TTC27: variants seen among roughly 807,000 people sequenced by gnomAD.
The protein encoded by TTC27 is tetratricopeptide repeat domain 27.
TTC27 carries 79 observed loss-of-function variants against 115.9 expected under a neutral mutation model. The ratio of observed to expected loss-of-function variants is 0.68; its 90% CI spans 0.57 to 0.82. The LOEUF (loss-of-function observed/expected upper bound fraction) is 0.82, where lower values mean the gene tolerates loss of function less well. TTC27 is among the 40% of genes least tolerant of loss of function. The probability of loss-of-function intolerance (pLI) is 0.00; values close to 1 mark genes in which losing one functional copy is unlikely to be tolerated. For synonymous variants in TTC27, 401 were observed against 356.0 expected (o/e 1.13, Z -1.42); for missense variants, 1,054 against 993.1 (o/e 1.06, Z -0.82).
rs192649588 is a variant in TTC27 at position 32,722,150 on chromosome 2, A to C, written c.1234-11678A>C. ...CAGTCATTACTACCTGGGAAACCTG[A>C]ACAACATTGAGATAATTACAGTGCC... On this transcript the variant is annotated intron_variant, in intron 10 of 19. Coordinates refer to ENST00000317907, the MANE Select transcript of TTC27 (RefSeq NM_017735.5). 2.2e-4 allele frequency among the ~76,000 whole-genome samples: 33 copies of C among 152,332 alleles called. No individual in the cohort carries two copies. The East Asian group carries it at 5.6e-3, about 26-fold the overall frequency.
intron 3 of TTC27, among the ~76,000 whole-genome samples, chr2:32,637,642 T>C (rs1334855263): frequency 6.6e-6 from 1 of 152,170 alleles, no homozygotes; most frequent in Non-Finnish European, 1.5e-5. Flanking sequence ...GGATTCTCTT[T>C]CTTAAAGACA....
intron 16 of TTC27, among the ~76,000 whole-genome samples, chr2:32,789,153 A>G (rs1670446341): frequency 6.6e-6 from 1 of 152,224 alleles, no homozygotes; most frequent in South Asian, 2.1e-4. Flanking sequence ...TGTTACTTGT[A>G]CATCATAGAG....
At chr2:32,777,120 A>G (rs546925854) in intron 13 of TTC27, among the ~76,000 whole-genome samples, 38 of 152,322 alleles carry the variant, frequency 2.5e-4, no homozygotes, top group African/African-American at 8.9e-4. Context: ...TCCTTTTTCT[A>G]AATTAATTTC....
intron 7 of TTC27, among the ~76,000 whole-genome samples, chr2:32,667,565 C>T (rs1022500233): frequency 6.6e-6 from 1 of 151,254 alleles, no homozygotes; most frequent in Non-Finnish European, 1.5e-5. Flanking sequence ...TACAGGCATG[C>T]ACCACCACGC....
chr2:32,672,442 G>A, intron 8 of TTC27, 58 bp downstream of exon 8: 2 of 1,288,152 alleles, frequency 1.6e-6, no homozygotes, highest in Non-Finnish European at 2.2e-6. Flanking sequence ...TCTCTTATGT[G>A]TGGAGAATCT....
At chr2:32,638,255 A>G (rs1304568053) in intron 3 of TTC27, among the ~76,000 whole-genome samples, 1 of 152,182 alleles carries the variant, frequency 6.6e-6, no homozygotes, top group African/African-American at 2.4e-5. Context: ...CAGAGATAAC[A>G]GTAGGCTTTG....
At position 32,723,701 on chromosome 2, in the gene TTC27, TCCCTC is replaced by T. The variant is rs1558310814; in HGVS notation, c.1234-10124_1234-10120del. Among the ~76,000 whole-genome samples the T allele has an allele frequency of 1.7e-4, 10 of 57,396 alleles. 2 individuals carry two copies. Among genetic ancestry groups the T allele is most frequent in the East Asian group, 1.6e-3 (4 of 2,522 alleles). The allele number at this position is 57,396 out of a possible 152,430, so 37.7% of individuals were successfully genotyped here. On this transcript the variant is annotated intron_variant, in intron 10 of 19. Coordinates refer to ENST00000317907, the MANE Select transcript of TTC27 (RefSeq NM_017735.5). ...TTGTTAGACTCAGCTCCTTCCTCCC[TCCCTC>T]CCTCCCTCCCTCCCTCCCTCCCTCC...
At chr2:32,778,139 ATAAGT>A (rs1173924260) in intron 14 of TTC27, among the ~76,000 whole-genome samples, 159 bp downstream of exon 14, 1 of 152,186 alleles carries the variant, frequency 6.6e-6, no homozygotes, top group Non-Finnish European at 1.5e-5. Context: ...AAATCTGGAA[ATAAGT>A]TAATATTTCA....
chr2:32,678,985 G>T lies in TTC27; in HGVS notation c.1119+63G>T. On this transcript the variant is annotated intron_variant, in intron 9 of 19. Transcript: ENST00000317907. ...CCTGGTAAATTACTTCCTCTGGTAT[G>T]GTCTTGCCTTGGATTGTTTATGTTG... The T allele has an allele frequency of 2.8e-6, 4 of 1,427,746 alleles. No homozygotes were observed. In the South Asian group the frequency reaches 4.7e-5, roughly 17 times the overall value. 88.4% of individuals were successfully genotyped at this position (1,427,746 alleles called of 1,614,324 possible). A position where few individuals can be genotyped will look rare whatever the true frequency, so the allele number is the denominator to read the frequency against.
chr2:32,643,123 C>G (rs551300182), intron 4 of TTC27, among the ~76,000 whole-genome samples: 2 of 152,212 alleles, frequency 1.3e-5, no homozygotes, highest in African/African-American at 4.8e-5. Flanking sequence ...GTGTGCACCA[C>G]CATGCCTGGC....
chr2:32,762,486 G>C (rs1356631599), intron 13 of TTC27, among the ~76,000 whole-genome samples: 3 of 152,146 alleles, frequency 2.0e-5, no homozygotes, highest in Non-Finnish European at 4.4e-5. Context: ...TTAAAGGGTT[G>C]ATTTCTTTGG....
At chr2:32,668,560 C>T (rs146981502) in intron 7 of TTC27, among the ~76,000 whole-genome samples, 8 of 15,964 alleles carry the variant, frequency 5.0e-4, no homozygotes, top group African/African-American at 6.9e-4. Flanking sequence ...CTCCCTCCCT[C>T]CCTTCCTTCC....
intron 10 of TTC27, among the ~76,000 whole-genome samples, chr2:32,731,279 G>C (rs1475088373): frequency 6.6e-6 from 1 of 151,954 alleles, no homozygotes; most frequent in Non-Finnish European, 1.5e-5. Flanking sequence ...AGTAGACACG[G>C]GGTTTCACCA....
At chr2:32,650,032 A>G in intron 4 of TTC27, 99 bp from the exon 5 acceptor site, 1 of 964,936 alleles carries the variant, frequency 1.0e-6, no homozygotes, top group South Asian at 1.6e-5. Flanking sequence ...GAATAAATTT[A>G]ATTTTATGAA....
At chr2:32,702,020 A>ACAAAAAC (rs1553553238) in intron 9 of TTC27, among the ~76,000 whole-genome samples, 4 of 145,544 alleles carry the variant, frequency 2.7e-5, no homozygotes, top group African/African-American at 1.0e-4. Flanking sequence ...CAAAAAAAAA[A>ACAAAAAC]AAAAACAAAA....
At chr2:32,775,604 T>C (rs1026498235) in intron 13 of TTC27, among the ~76,000 whole-genome samples, 1 of 152,180 alleles carries the variant, frequency 6.6e-6, no homozygotes, top group African/African-American at 2.4e-5. Flanking sequence ...TCAGTTCTCA[T>C]TGTTCTTGAT....
intron 10 of TTC27, among the ~76,000 whole-genome samples, chr2:32,718,958 G>A (rs1446479348): frequency 1.3e-5 from 2 of 152,216 alleles, no homozygotes; most frequent in African/African-American, 4.8e-5. Context: ...GTCTGAGATA[G>A]TATCTCCTAA....
intron 7 of TTC27, among the ~76,000 whole-genome samples, chr2:32,670,582 T>G (rs879284515): frequency 1.3e-5 from 2 of 152,134 alleles, no homozygotes; most frequent in Non-Finnish European, 2.9e-5. Context: ...AAAATATGTA[T>G]GTAAGTCTTT....
rs956596537 is a variant in TTC27, at chr2:32,663,248, G to A, written c.641-1055G>A. Among the ~76,000 whole-genome samples, 5 of 152,164 alleles carry A rather than the reference G, an allele frequency of 3.3e-5. No homozygotes were observed. In the East Asian group the frequency reaches 9.6e-4, roughly 29 times the overall value. On this transcript the variant is annotated intron_variant, in intron 5 of 19. Transcript: ENST00000317907. ...TGAAAAAACTTCTGCAGCTAGCTTT[G>A]TGTCTGCCCAAACGGCTGCCCAGTT...
Sources: allele counts gnomAD v4.1 joint callset (sites outside exome capture counted in the v4.1 genomes callset), GRCh38; gene constraint gnomAD v4.1.1; transcripts MANE v1.5; gene names NCBI Gene and HGNC (gene_info 2026-07-23, HGNC 2026-07-21).